CLVS1: variants seen among roughly 807,000 people sequenced by gnomAD.
The protein encoded by CLVS1 is clavesin 1.
Under a neutral mutation model 33.1 loss-of-function variants are expected in CLVS1, and 10 were observed. The ratio of observed to expected loss-of-function variants is 0.30; its 90% CI spans 0.19 to 0.51. The LOEUF is 0.51. Ranked by LOEUF, CLVS1 falls within the 20% of genes least tolerant of loss-of-function variation. The pLI is 0.97. For synonymous variants in CLVS1, 163 were observed against 166.1 expected (o/e 0.98, Z 0.14); for missense variants, 343 against 433.4 (o/e 0.79, Z 1.85).
intron 2 of CLVS1, among the ~76,000 whole-genome samples, chr8:61,329,553 A>G (rs1007943909): frequency 1.3e-5 from 2 of 152,240 alleles, no homozygotes; most frequent in Non-Finnish European, 2.9e-5. Flanking sequence ...GAGAGATTTA[A>G]GGTGATGGAT....
chr8:61,063,910 T>C (rs1039597623), intron 1 of CLVS1, among the ~76,000 whole-genome samples: 2 of 152,214 alleles, frequency 1.3e-5, no homozygotes, highest in Non-Finnish European at 2.9e-5. Flanking sequence ...TCTGGTATCC[T>C]CTCTTCTACT....
chr8:61,495,343 G>GT (rs1180718907), intron 5 of CLVS1, among the ~76,000 whole-genome samples: 2 of 152,128 alleles, frequency 1.3e-5, no homozygotes, highest in Non-Finnish European at 2.9e-5. Context: ...AAGCATAAAG[G>GT]TTTTGGCACA....
chr8:61,109,470 A>G (rs140629151), intron 1 of CLVS1, among the ~76,000 whole-genome samples: 319 of 152,226 alleles, frequency 2.1e-3, no homozygotes, highest in East Asian at 0.015. Flanking sequence ...ACACAATAGA[A>G]TATATAATAA....
chr8:61,129,992 C>G (rs1806057327), intron 1 of CLVS1, among the ~76,000 whole-genome samples: 1 of 152,070 alleles, frequency 6.6e-6, no homozygotes, highest in Non-Finnish European at 1.5e-5. Context: ...AATCCCAGCA[C>G]TTTGGGAGGC....
At chr8:61,055,981 T>TG (rs1260576717), upstream of CLVS1, among the ~76,000 whole-genome samples, 1 of 152,178 alleles carries the variant, frequency 6.6e-6, no homozygotes, top group Non-Finnish European at 1.5e-5. Flanking sequence ...TCTGGTTGGC[T>TG]GGGGGGAGAA....
intron 2 of CLVS1, among the ~76,000 whole-genome samples, chr8:61,189,599 C>T (rs1807421668): frequency 6.6e-6 from 1 of 152,158 alleles, no homozygotes; most frequent in Non-Finnish European, 1.5e-5. Flanking sequence ...AGAGTCAAGA[C>T]CCATCAGTGT....
At chr8:61,304,636 T>C (rs560710352) in intron 2 of CLVS1, among the ~76,000 whole-genome samples, 1 of 152,318 alleles carries the variant, frequency 6.6e-6, no homozygotes, top group Admixed American at 6.5e-5. Flanking sequence ...TGGCAATAAT[T>C]CACCATTTGC....
chr8:61,369,181 CTAATT>C (rs1813332286), intron 2 of CLVS1, among the ~76,000 whole-genome samples: 1 of 152,156 alleles, frequency 6.6e-6, no homozygotes, highest in Non-Finnish European at 1.5e-5. Context: ...AAGTGATTGT[CTAATT>C]TAAGTTTCCA....
At chr8:61,116,566 T>A (rs1010555530) in intron 1 of CLVS1, among the ~76,000 whole-genome samples, 2 of 152,174 alleles carry the variant, frequency 1.3e-5, no homozygotes, top group African/African-American at 2.4e-5. Context: ...AACAAAGGGA[T>A]CCAGTTTTAG....
intron 5 of CLVS1, among the ~76,000 whole-genome samples, chr8:61,492,443 G>A (rs1036736154): frequency 6.6e-6 from 1 of 152,132 alleles, no homozygotes; most frequent in African/African-American, 2.4e-5. Flanking sequence ...GCCTCTTGTG[G>A]TCAGGGCTGT....
chr8:61,168,858 T>C (rs777992622), intron 2 of CLVS1, among the ~76,000 whole-genome samples: 47 of 152,252 alleles, frequency 3.1e-4, no homozygotes, highest in Non-Finnish European at 5.3e-4. Flanking sequence ...TAAAGATGCT[T>C]CAGACCAGAT....
the CLVS1 span, among the ~76,000 whole-genome samples, chr8:61,013,117 G>A: frequency 6.6e-6 from 1 of 152,178 alleles, no homozygotes; most frequent in Admixed American, 6.5e-5. Context: ...GGAGATGGCA[G>A]GGGACAGACA....
At chr8:61,115,553 T>C (rs1336122687) in intron 1 of CLVS1, among the ~76,000 whole-genome samples, 2 of 150,632 alleles carry the variant, frequency 1.3e-5, no homozygotes, top group Admixed American at 1.3e-4. Context: ...CAGTCCCCAG[T>C]GTGATATTCC....
Position 61,454,169 on chromosome 8 carries a change from T to C in CLVS1, c.659T>C (p.Val220Ala). Reference sequence around the variant, plus strand: ...AGCTTTCCTGCCCGCTTTGGAGGAGTCCACTTTGTCAACCAGCCCTGGTAC... The same window carrying C: ...AGCTTTCCTGCCCGCTTTGGAGGAGCCCACTTTGTCAACCAGCCCTGGTAC... ...QDSFPARFGG[V>A]HFVNQPWYIH... The change falls in exon 4 of 6, where the codon GTC (valine) becomes GCC (alanine). Residue 220 changes from valine (V) to alanine (A), a missense_variant. Physicochemically the swap from Val to Ala is moderately conservative, Grantham distance 64 (BLOSUM62 0). Coordinates refer to ENST00000325897, the MANE Select transcript of CLVS1 (RefSeq NM_173519.3). 1 of 1,613,900 alleles carries C rather than the reference T, an allele frequency of 6.2e-7. No homozygotes were observed. The highest frequency in any genetic ancestry group is 2.2e-5 in the East Asian group (1 of 44,868).
intron 2 of CLVS1, among the ~76,000 whole-genome samples, chr8:61,333,778 G>C (rs1010387864): frequency 1.3e-5 from 2 of 152,074 alleles, no homozygotes; most frequent in African/African-American, 4.8e-5. Flanking sequence ...TGTCATGGGG[G>C]TGTCAGGTTA....
At chr8:61,445,026 T>C (rs1462215849) in intron 3 of CLVS1, among the ~76,000 whole-genome samples, 1 of 152,206 alleles carries the variant, frequency 6.6e-6, no homozygotes, top group Non-Finnish European at 1.5e-5. Context: ...AGCTCCTCCC[T>C]GGTCCAGAAG....
At chr8:61,038,360 A>G in the CLVS1 span, among the ~76,000 whole-genome samples, 7 of 151,684 alleles carry the variant, frequency 4.6e-5, no homozygotes, top group Middle Eastern at 3.2e-3. Flanking sequence ...GTGCTGTTTC[A>G]ATATGGAGCA....
At chr8:61,412,649 C>A (rs1365900759) in intron 3 of CLVS1, among the ~76,000 whole-genome samples, 1 of 152,242 alleles carries the variant, frequency 6.6e-6, no homozygotes, top group East Asian at 1.9e-4. Context: ...TCCTGCTTCT[C>A]TGCCGTTGCA....
chr8:61,035,018 T>C, the CLVS1 span, among the ~76,000 whole-genome samples: 3 of 152,166 alleles, frequency 2.0e-5, no homozygotes, highest in Admixed American at 2.0e-4. Context: ...AAACATTGAG[T>C]ATATTACTTG....
Sources: allele counts gnomAD v4.1 joint callset (sites outside exome capture counted in the v4.1 genomes callset), GRCh38; gene constraint gnomAD v4.1.1; transcripts MANE v1.5; gene names NCBI Gene and HGNC (gene_info 2026-07-23, HGNC 2026-07-21).